Variants in STK10 observed in about 807,000 individuals in gnomAD.
STK10 encodes serine/threonine kinase 10, also known as serine/threonine-protein kinase 10.
In STK10, 78 loss-of-function variants were observed where a neutral mutation model predicts 113.8. The observed-to-expected ratio is 0.69, with a 90% CI of 0.57 to 0.83. The LOEUF (loss-of-function observed/expected upper bound fraction) is 0.83, where lower values mean the gene tolerates loss of function less well. Among genes scored for constraint, STK10 ranks in the 40% least tolerant of loss-of-function variants. The pLI, the probability that STK10 is intolerant of heterozygous loss-of-function variation, is 0.00. For synonymous variants in STK10, 465 were observed against 494.7 expected (o/e 0.94, Z 0.80); for missense variants, 1,109 against 1,280.1 (o/e 0.87, Z 2.04).
intron 2 of STK10, among the ~76,000 whole-genome samples, chr5:172,127,657 A>T (rs528827263): frequency 1.3e-5 from 2 of 152,290 alleles, no homozygotes; most frequent in South Asian, 4.1e-4. Flanking sequence ...CTGAAGAAGG[A>T]AAACTAAGTT....
rs1770972309 is a variant in STK10 at position 172,187,489 on chromosome 5, C to T, written c.156+398G>A. ...TCGATATTCCCACAGCATCTGTGGTCTCTCTTAAAAAAAAAAGTGTGCCCG... is the reference window on the plus strand; with the variant it reads ...TCGATATTCCCACAGCATCTGTGGTTTCTCTTAAAAAAAAAAGTGTGCCCG... On this transcript the variant is annotated intron_variant, in intron 1 of 18. Transcript: ENST00000176763. The surrounding 1 kb of genome is among the most constrained non-coding windows in gnomAD (Gnocchi z 4.6). Among the ~76,000 whole-genome samples the T allele has an allele frequency of 6.6e-6, 1 of 151,896 alleles. No homozygotes were observed. Among genetic ancestry groups the T allele is most frequent in the Non-Finnish European group, 1.5e-5 (1 of 68,006 alleles).
chr5:172,053,094 G>A lies in STK10; in HGVS notation c.2653-52C>T, dbSNP rs370263208. On this transcript the variant is annotated intron_variant, in intron 17 of 18. Transcript: ENST00000176763. Reference sequence around the variant, plus strand: ...TGAGAAATCAGAAGACGCAGGCCCTGAAGACTGAGACACACCTCACGCTGT... The same window carrying A: ...TGAGAAATCAGAAGACGCAGGCCCTAAAGACTGAGACACACCTCACGCTGT... 2.0e-6 allele frequency: 3 copies of A among 1,469,454 alleles called. No homozygotes were observed. The African/African-American group carries it at 4.2e-5, about 20-fold the overall frequency. 91.0% of individuals were successfully genotyped at this position (1,469,454 alleles called of 1,614,324 possible). A position where few individuals can be genotyped will look rare whatever the true frequency, so the allele number is the denominator to read the frequency against.
Position 172,171,929 on chromosome 5 carries a change from C to A in STK10, c.157-15141G>T, listed in dbSNP as rs569358547. On this transcript the variant is annotated intron_variant, in intron 1 of 18. Coordinates refer to ENST00000176763, the MANE Select transcript of STK10 (RefSeq NM_005990.4). Reference sequence around the variant, plus strand: ...GGACACAGTGGCTCACACCTGTAATCCCCCTGTAAGGCCAGCACTTTGGGA... The same window carrying A: ...GGACACAGTGGCTCACACCTGTAATACCCCTGTAAGGCCAGCACTTTGGGA... Among the ~76,000 whole-genome samples the A allele has an allele frequency of 4.1e-4, 62 of 152,196 alleles. 2 individuals are homozygous for A. In the South Asian group the frequency reaches 0.013, roughly 31 times the overall value.
intron 3 of STK10, among the ~76,000 whole-genome samples, chr5:172,118,304 T>C (rs764998310): frequency 2.2e-4 from 33 of 152,162 alleles, no homozygotes; most frequent in Non-Finnish European, 4.3e-4. Flanking sequence ...ATCTGTTGTG[T>C]CTGCAGACAC....
intron 6 of STK10, among the ~76,000 whole-genome samples, chr5:172,106,408 A>AAAAAAAAAAAG (rs1561810030): frequency 3.5e-5 from 5 of 142,586 alleles, no homozygotes; most frequent in African/African-American, 1.0e-4. Flanking sequence ...TCTCAAAAAA[A>AAAAAAAAAAAG]AAAAAAAAAA....
At chr5:172,121,111 C>T (rs1769501788) in intron 3 of STK10, among the ~76,000 whole-genome samples, 1 of 151,306 alleles carries the variant, frequency 6.6e-6, no homozygotes, top group Non-Finnish European at 1.5e-5. Flanking sequence ...TCACTGCAAC[C>T]TCCACCTCCT....
intron 2 of STK10, among the ~76,000 whole-genome samples, chr5:172,147,910 G>A (rs935371210): frequency 1.3e-5 from 2 of 152,210 alleles, no homozygotes; most frequent in East Asian, 1.9e-4. Flanking sequence ...TGGGAGTTAT[G>A]AGCCAGGAAT....
At chr5:172,152,623 A>G (rs2113813036) in intron 2 of STK10, among the ~76,000 whole-genome samples, 1 of 152,326 alleles carries the variant, frequency 6.6e-6, no homozygotes, top group East Asian at 1.9e-4. Flanking sequence ...GTATTATTCC[A>G]TTCTCTTCTA....
At chr5:172,148,703 A>G (rs80013211) in intron 2 of STK10, among the ~76,000 whole-genome samples, 4,434 of 152,300 alleles carry the variant, frequency 0.029, 223 homozygotes, top group African/African-American at 0.1. Context: ...GTCACAGATT[A>G]CATCCTTTGA....
intron 1 of STK10, among the ~76,000 whole-genome samples, chr5:172,158,198 T>A (rs1031587524): frequency 2.0e-5 from 3 of 151,970 alleles, no homozygotes; most frequent in African/African-American, 7.3e-5. Context: ...GTGCAGCCAG[T>A]GTGGAAAACA....
Position 172,107,863 on chromosome 5 carries a change from A to G in STK10, c.521-11T>C, listed in dbSNP as rs780430624. The G allele has an allele frequency of 8.1e-6, 13 of 1,613,902 alleles. No homozygotes were observed. The highest frequency in any genetic ancestry group is 1.7e-5 in the Admixed American group (1 of 59,998). On this transcript the variant is annotated splice_polypyrimidine_tract_variant and intron_variant, in intron 4 of 18. Transcript: ENST00000176763. ...ACACACCAAAGTCAGCTGCAAGACA[A>G]AATCTCAGCTAGCGTTTTCCACCCA...
rs200818916 is a variant in STK10 at position 172,108,937 on chromosome 5, G to A, written c.521-1085C>T. 2.6e-4 allele frequency among the ~76,000 whole-genome samples: 40 copies of A among 151,954 alleles called. No individual in the cohort carries two copies. The East Asian group carries it at 6.5e-3, about 25-fold the overall frequency. On this transcript the variant is annotated intron_variant, in intron 4 of 18. Coordinates refer to ENST00000176763, the MANE Select transcript of STK10 (RefSeq NM_005990.4). ...GTAGATGACATTACAGGCATGTGCCGACATGCCCAGCTAATTTTTGTATTT... is the reference window on the plus strand; with the variant it reads ...GTAGATGACATTACAGGCATGTGCCAACATGCCCAGCTAATTTTTGTATTT...
intron 4 of STK10, among the ~76,000 whole-genome samples, chr5:172,108,965 A>G (rs1232663560): frequency 1.3e-5 from 2 of 151,978 alleles, no homozygotes; most frequent in Non-Finnish European, 2.9e-5. Context: ...TTGTATTTTT[A>G]GTAGAGATGG....
intron 10 of STK10, among the ~76,000 whole-genome samples, chr5:172,084,180 T>C (rs547242312): frequency 6.6e-6 from 1 of 151,934 alleles, no homozygotes; most frequent in Non-Finnish European, 1.5e-5. Context: ...GGAGGGTGGA[T>C]CACCTGAGGT....
intron 3 of STK10, among the ~76,000 whole-genome samples, chr5:172,127,087 G>T (rs531078144): frequency 8.8e-4 from 134 of 152,262 alleles, no homozygotes; most frequent in South Asian, 5.8e-3. Flanking sequence ...AGAGTCATTT[G>T]AACCCGGGAG....
At chr5:172,177,784 G>A (rs1016260686) in intron 1 of STK10, among the ~76,000 whole-genome samples, 3 of 152,168 alleles carry the variant, frequency 2.0e-5, no homozygotes, top group African/African-American at 7.2e-5. Flanking sequence ...CCCTTGGACA[G>A]CATCATTAGC....
intron 12 of STK10, among the ~76,000 whole-genome samples, chr5:172,067,756 A>G (rs1768100166): frequency 6.6e-6 from 1 of 152,158 alleles, no homozygotes; most frequent in Non-Finnish European, 1.5e-5. Context: ...ACTGATTAAT[A>G]AAGATTATAT....
In STK10 at chr5:172,065,749, G is replaced by C. The variant is rs577275029; in HGVS notation, c.1990-937C>G. ...AACTACTGAAGAAAAGCTACCTGCT[G>C]TCCTCTGGGGTTGTTAAACTGGAGG... On this transcript the variant is annotated intron_variant, in intron 12 of 18. Transcript: ENST00000176763. Among the ~76,000 whole-genome samples, 4 of 152,262 alleles carry C rather than the reference G, an allele frequency of 2.6e-5. No individual in the cohort carries two copies. In the South Asian group the frequency reaches 8.3e-4, roughly 32 times the overall value.
chr5:172,138,009 A>G (rs927261671), intron 2 of STK10, among the ~76,000 whole-genome samples: 2 of 152,114 alleles, frequency 1.3e-5, no homozygotes, highest in Non-Finnish European at 2.9e-5. Flanking sequence ...ACAAGGCAAA[A>G]ATGCCCACGC....
Sources: gnomAD v4.1 joint callset for allele counts (sites outside exome capture counted in the v4.1 genomes callset) on GRCh38, gnomAD v4.1.1 for gene constraint, Gnocchi (gnomAD v3.1) non-coding constraint, MANE v1.5 for transcripts, NCBI Gene and HGNC (gene_info 2026-07-23, HGNC 2026-07-21) for gene names.